The following RGS7 variants were observed in gnomAD, a reference collection of about 807,000 sequenced individuals.
The protein encoded by RGS7 is regulator of G protein signaling 7.
RGS7 carries 27 observed loss-of-function variants against 81.1 expected under a neutral mutation model. That is an observed-to-expected ratio of 0.33 (90% CI 0.25 to 0.46). RGS7 has a LOEUF of 0.46. Ranked by LOEUF, RGS7 falls within the 20% of genes least tolerant of loss-of-function variation. RGS7 has a pLI of 1.00. For missense variants in RGS7, 396 were observed against 607.4 expected (o/e 0.65, Z 3.66); for synonymous variants, 208 against 207.7 (o/e 1.00, Z -0.01).
chr1:240,833,120 C>T (rs561177519), intron 9 of RGS7, among the ~76,000 whole-genome samples: 8 of 152,218 alleles, frequency 5.3e-5, no homozygotes, highest in African/African-American at 1.9e-4. Context: ...CCTCACTGCG[C>T]TTGGGCTTTG....
At chr1:241,008,328 T>G (rs969263722) in intron 3 of RGS7, among the ~76,000 whole-genome samples, 2 of 152,218 alleles carry the variant, frequency 1.3e-5, no homozygotes, top group African/African-American at 4.8e-5. Flanking sequence ...GCCAGAACAT[T>G]ACCTAGACAT....
chr1:240,916,838 C>T (rs1672701075), intron 6 of RGS7, among the ~76,000 whole-genome samples: 1 of 152,182 alleles, frequency 6.6e-6, no homozygotes. Context: ...CTAAGCCATA[C>T]AGTCTGTTAT....
chr1:240,916,470 G>C (rs1181194646), intron 6 of RGS7, among the ~76,000 whole-genome samples: 1 of 152,106 alleles, frequency 6.6e-6, no homozygotes, highest in Non-Finnish European at 1.5e-5. Flanking sequence ...ATTGTTATGA[G>C]CTTAATTATG....
chr1:241,193,675 T>C (rs1304144995), intron 2 of RGS7, among the ~76,000 whole-genome samples: 1 of 152,226 alleles, frequency 6.6e-6, no homozygotes, highest in Non-Finnish European at 1.5e-5. Context: ...TTGAGTTTCA[T>C]ACCAAGTAGG....
At chr1:241,062,094 T>G (rs1471847538) in intron 3 of RGS7, among the ~76,000 whole-genome samples, 1 of 152,226 alleles carries the variant, frequency 6.6e-6, no homozygotes, top group Non-Finnish European at 1.5e-5. Flanking sequence ...AAAACCTTAT[T>G]CAAAAGTGAT....
intron 6 of RGS7, among the ~76,000 whole-genome samples, chr1:240,887,444 G>A (rs1183656232): frequency 6.6e-6 from 1 of 152,040 alleles, no homozygotes; most frequent in East Asian, 1.9e-4. Flanking sequence ...TAGCCAGGAT[G>A]GTCTCAATCT....
At chr1:241,020,863 GT>G (rs1372804521) in intron 3 of RGS7, among the ~76,000 whole-genome samples, 1 of 152,142 alleles carries the variant, frequency 6.6e-6, no homozygotes, top group Admixed American at 6.5e-5. Context: ...TCAACTTACT[GT>G]TTTTCCTTCA....
rs145636505 is a variant in RGS7, at chr1:241,015,027, C to T, written c.176-31898G>A. 2.4e-4 allele frequency among the ~76,000 whole-genome samples: 36 copies of T among 152,242 alleles called. 1 individual carries two copies. The highest frequency in any genetic ancestry group is 8.2e-4 in the African/African-American group (34 of 41,560). On this transcript the variant is annotated intron_variant, in intron 3 of 18. Coordinates refer to ENST00000440928, the MANE Select transcript of RGS7 (RefSeq NM_001364886.1). ...AAAAAGTTGCCAGGTTTCAGAAAACCCCTTCAGTCTCCAGTGTGTTTATGG... is the reference window on the plus strand; with the variant it reads ...AAAAAGTTGCCAGGTTTCAGAAAACTCCTTCAGTCTCCAGTGTGTTTATGG...
At chr1:241,341,993 C>A (rs1003300295) in intron 2 of RGS7, among the ~76,000 whole-genome samples, 1 of 151,024 alleles carries the variant, frequency 6.6e-6, no homozygotes, top group Non-Finnish European at 1.5e-5. Flanking sequence ...TTCTGCTTCA[C>A]CCTCCGGAGT....
Position 241,115,371 on chromosome 1 carries a change from A to G in RGS7, c.79-16609T>C, listed in dbSNP as rs569254191. Among the ~76,000 whole-genome samples the G allele has an allele frequency of 1.8e-3, 270 of 152,298 alleles. 2 individuals carry two copies. Among genetic ancestry groups the G allele is most frequent in the African/African-American group, 6.3e-3 (262 of 41,570 alleles). ...AAAGACCAAATTAACCTCCCACCAC[A>G]TCATACCCAGCAATATTATACTGCC... On this transcript the variant is annotated intron_variant, in intron 2 of 18. Transcript: ENST00000440928.
rs148192804 is a variant in RGS7 at position 240,864,151 on chromosome 1, G to A, written c.609+4436C>T. Among the ~76,000 whole-genome samples the A allele has an allele frequency of 8.5e-3, 1,292 of 152,262 alleles. 20 individuals are homozygous for A. Among genetic ancestry groups the A allele is most frequent in the African/African-American group, 0.027 (1,112 of 41,542 alleles). On this transcript the variant is annotated intron_variant, in intron 9 of 18. Coordinates refer to ENST00000440928, the MANE Select transcript of RGS7 (RefSeq NM_001364886.1). Reference sequence around the variant, plus strand: ...CATAAAATGCGACACTGGACTACGAGTTTTAGGAATCAAGGAGTGTGTTTT... The same window carrying A: ...CATAAAATGCGACACTGGACTACGAATTTTAGGAATCAAGGAGTGTGTTTT...
intron 2 of RGS7, among the ~76,000 whole-genome samples, chr1:241,323,364 G>C (rs562874756): frequency 6.6e-6 from 1 of 152,202 alleles, no homozygotes; most frequent in South Asian, 2.1e-4. Context: ...CTAGAGAGGC[G>C]CCTGTCAGCG....
At chr1:241,315,618 C>T (rs764563066) in intron 2 of RGS7, among the ~76,000 whole-genome samples, 1 of 152,148 alleles carries the variant, frequency 6.6e-6, no homozygotes, top group African/African-American at 2.4e-5. Flanking sequence ...GGATCTTCTA[C>T]ATATAAGGTC....
At chr1:241,324,562 T>C (rs1194830418) in intron 2 of RGS7, among the ~76,000 whole-genome samples, 2 of 152,196 alleles carry the variant, frequency 1.3e-5, no homozygotes, top group Non-Finnish European at 2.9e-5. Flanking sequence ...AAACTTCTAA[T>C]TCACAGTCAC....
At chr1:241,211,358 T>C (rs1428288079) in intron 2 of RGS7, among the ~76,000 whole-genome samples, 1 of 152,164 alleles carries the variant, frequency 6.6e-6, no homozygotes, top group East Asian at 1.9e-4. Context: ...GAGTCTCATA[T>C]TATGTGGGAA....
At chr1:241,324,142 T>A (rs964161877) in intron 2 of RGS7, among the ~76,000 whole-genome samples, 1 of 152,188 alleles carries the variant, frequency 6.6e-6, no homozygotes, top group Non-Finnish European at 1.5e-5. Context: ...ACAACAATGA[T>A]GATAATTTCC....
intron 2 of RGS7, among the ~76,000 whole-genome samples, chr1:241,131,200 A>G (rs2103039243): frequency 6.6e-6 from 1 of 152,324 alleles, no homozygotes; most frequent in Middle Eastern, 3.4e-3. Context: ...TTGATTCTCA[A>G]ATTAAACTAA....
chr1:241,085,932 C>G (rs2063411165), intron 3 of RGS7, among the ~76,000 whole-genome samples: 1 of 152,176 alleles, frequency 6.6e-6, no homozygotes, highest in African/African-American at 2.4e-5. Flanking sequence ...TTATGGTTCC[C>G]CAGAACATCT....
In RGS7 at chr1:241,276,488, T is replaced by C. The variant is rs373349769; in HGVS notation, c.78+79211A>G. 1.1e-3 allele frequency among the ~76,000 whole-genome samples: 161 copies of C among 152,338 alleles called. 1 individual carries two copies. Among genetic ancestry groups the C allele is most frequent in the Middle Eastern group, 3.4e-3 (1 of 292 alleles). ...AAATGGCTTAGAAGTGATAGTTTTA[T>C]TTCCAATTCTCAATTCCCTGTCTCA... On this transcript the variant is annotated intron_variant, in intron 2 of 18. Coordinates refer to ENST00000440928, the MANE Select transcript of RGS7 (RefSeq NM_001364886.1).
Sources: gnomAD v4.1 joint callset for allele counts (sites outside exome capture counted in the v4.1 genomes callset) on GRCh38, gnomAD v4.1.1 for gene constraint, MANE v1.5 for transcripts, NCBI Gene and HGNC (gene_info 2026-07-23, HGNC 2026-07-21) for gene names.